Variants in TANC2 observed in about 807,000 individuals in gnomAD.
TANC2 encodes the protein protein TANC2.
A neutral mutation model predicts 210.5 loss-of-function variants in TANC2; 26 were observed. The observed-to-expected ratio is 0.12, with a 90% CI of 0.09 to 0.17. The LOEUF (loss-of-function observed/expected upper bound fraction) is 0.17, where lower values mean the gene tolerates loss of function less well. Among genes scored for constraint, TANC2 ranks in the 10% least tolerant of loss-of-function variants. The pLI, the probability that TANC2 is intolerant of heterozygous loss-of-function variation, is 1.00. For synonymous variants in TANC2, 931 were observed against 967.1 expected (o/e 0.96, Z 0.69); for missense variants, 2,129 against 2,608.9 (o/e 0.82, Z 4.01).
chr17:63,301,298 G>A (rs1417207542), intron 9 of TANC2, among the ~76,000 whole-genome samples: 1 of 152,178 alleles, frequency 6.6e-6, no homozygotes, highest in Non-Finnish European at 1.5e-5. Flanking sequence ...CTCATAAAAT[G>A]AGTAAAGGAG....
intron 7 of TANC2, among the ~76,000 whole-genome samples, chr17:63,237,309 A>G (rs1598671348): frequency 6.6e-6 from 1 of 151,798 alleles, no homozygotes; most frequent in East Asian, 1.9e-4. Context: ...TTACTTTTTA[A>G]TGGGATTATT....
At chr17:63,365,026 G>A (rs1313191850) in intron 14 of TANC2, among the ~76,000 whole-genome samples, 1 of 152,196 alleles carries the variant, frequency 6.6e-6, no homozygotes, top group Non-Finnish European at 1.5e-5. Context: ...AGGAATTAGA[G>A]GCTAATTATT....
chr17:63,121,997 G>A (rs540200172), intron 4 of TANC2, among the ~76,000 whole-genome samples: 7 of 144,620 alleles, frequency 4.8e-5, no homozygotes, highest in Non-Finnish European at 1.1e-4. Context: ...AGGGGGAGGG[G>A]AGGGTGCATA....
At chr17:63,394,991 T>C (rs1024221072) in intron 17 of TANC2, among the ~76,000 whole-genome samples, 10 of 152,234 alleles carry the variant, frequency 6.6e-5, no homozygotes, top group African/African-American at 2.4e-4. Flanking sequence ...ACAGAACTTA[T>C]ATTTTCAACT....
chr17:63,246,549 AC>A (rs768023294), intron 8 of TANC2, among the ~76,000 whole-genome samples: 1 of 152,160 alleles, frequency 6.6e-6, no homozygotes, highest in Non-Finnish European at 1.5e-5. Context: ...TGGAAATGTC[AC>A]ATAAATGGAG....
chr17:63,315,684 A>G (rs2429426), intron 10 of TANC2, among the ~76,000 whole-genome samples: 45,591 of 152,046 alleles, frequency 0.3, 7,005 homozygotes, highest in African/African-American at 0.36. Context: ...GTGTGAGATA[A>G]TAGTAGTTAC....
chr17:63,081,019 A>G (rs1455491814), intron 3 of TANC2, among the ~76,000 whole-genome samples: 1 of 152,162 alleles, frequency 6.6e-6, no homozygotes. Flanking sequence ...GGTAGCATGT[A>G]TTTAGAACCT....
chr17:63,170,969 C>T (rs1598519519), intron 5 of TANC2, among the ~76,000 whole-genome samples: 1 of 151,970 alleles, frequency 6.6e-6, no homozygotes, highest in South Asian at 2.1e-4. Flanking sequence ...TGCTTCTGAT[C>T]TCCATTTGGT....
chr17:62,997,907 T>A (rs901930664), intron 1 of TANC2, among the ~76,000 whole-genome samples: 2 of 152,154 alleles, frequency 1.3e-5, no homozygotes, highest in African/African-American at 4.8e-5. Context: ...TAGAAAAAGA[T>A]ATTTTTTAAA....
rs777943676 is a variant in TANC2 at position 63,421,464 on chromosome 17, C to T, written c.5734C>T (p.Pro1912Ser). The change falls in exon 28 of 28, where the codon CCA becomes TCA. Residue 1912 changes from proline (P) to serine (S), a missense_variant. This residue lies in a region of TANC2 where 584 missense variants were observed against 627.3 expected (regional missense o/e 0.93). Coordinates refer to ENST00000689528, the Ensembl canonical transcript of TANC2. The surrounding 1 kb of genome is among the most constrained non-coding windows in gnomAD (Gnocchi z 6.9). Reference sequence around the variant, plus strand: ...ATGTGACGAGCTGTCGCCAGTGTCTCCAACTCAAGGAGGTTACCCCAGTGA... The same window carrying T: ...ATGTGACGAGCTGTCGCCAGTGTCTTCAACTCAAGGAGGTTACCCCAGTGA... The T allele has an allele frequency of 1.2e-6, 2 of 1,613,900 alleles. No homozygotes were observed. The highest frequency in any genetic ancestry group is 1.7e-5 in the Admixed American group (1 of 60,008).
chr17:63,270,546 C>T (rs979352095), intron 9 of TANC2, among the ~76,000 whole-genome samples: 1 of 151,996 alleles, frequency 6.6e-6, no homozygotes, highest in South Asian at 2.1e-4. Flanking sequence ...AAACTACCCC[C>T]AAAAAAGTAA....
At chr17:63,027,302 C>T (rs2034591513) in intron 2 of TANC2, among the ~76,000 whole-genome samples, 1 of 151,628 alleles carries the variant, frequency 6.6e-6, no homozygotes, top group African/African-American at 2.4e-5. Context: ...TTTGAGAGTG[C>T]AACGAAGAAA....
rs559125133 is a variant in TANC2 at position 63,121,117 on chromosome 17, A to G, written c.322+21760A>G. ...CTACATTAAGACATGAAGGACTCCT[A>G]TTGGTGATAAATTATTTTAAAAGGG... On this transcript the variant is annotated intron_variant, in intron 4 of 27. Transcript: ENST00000689528. 1.1e-4 allele frequency among the ~76,000 whole-genome samples: 16 copies of G among 152,256 alleles called. No homozygotes were observed. In the East Asian group the frequency reaches 1.7e-3, roughly 17 times the overall value.
chr17:63,009,542 C>T (rs772765366), exon 2 of TANC2: 7 of 1,609,108 alleles, frequency 4.4e-6, no homozygotes, highest in Non-Finnish European at 5.9e-6. Context: ...TACAGTTTTG[C>T]AGTAGAAGAG....
Position 63,083,398 on chromosome 17 carries a change from A to G in TANC2, c.139+9384A>G, listed in dbSNP as rs536847104. Among the ~76,000 whole-genome samples, 26 of 152,230 alleles carry G rather than the reference A, an allele frequency of 1.7e-4. No individual in the cohort carries two copies. The South Asian group carries it at 5.2e-3, about 30-fold the overall frequency. On this transcript the variant is annotated intron_variant, in intron 3 of 27. Transcript: ENST00000689528. ...TTCAGGTGCTTGCCCAGTCACCACT[A>G]CCATATCCGCCTGGGAACTGGGATG...
chr17:63,420,641 C>A lies in TANC2; in HGVS notation c.4911C>A (p.Val1637=), dbSNP rs776877792. The stretch of plus-strand genomic sequence containing the variant: ...GCCCTCCAGCTGAAAGTATGAGTGT[C>A]TATAGATCCCAGTCTGGTTCACCCG... Residue 1637 remains valine, a synonymous_variant, in exon 28 of 28, where the codon GTC becomes GTA. Transcript: ENST00000689528. This position sits in a 1 kb window ranked among gnomAD's most constrained non-coding sequence, Gnocchi z 4.2. 1.9e-6 allele frequency: 3 copies of A among 1,613,832 alleles called. No homozygotes were observed. The highest frequency in any genetic ancestry group is 1.7e-5 in the Admixed American group (1 of 59,998).
intron 9 of TANC2, among the ~76,000 whole-genome samples, chr17:63,303,985 C>G (rs751885398): frequency 6.6e-6 from 1 of 151,948 alleles, no homozygotes; most frequent in Non-Finnish European, 1.5e-5. Context: ...TTAGCAGCTC[C>G]TATAACCTTT....
chr17:63,090,440 C>A, intron 3 of TANC2, among the ~76,000 whole-genome samples: 1 of 151,992 alleles, frequency 6.6e-6, no homozygotes, highest in South Asian at 2.1e-4. Context: ...TCAGTTCCCA[C>A]CTATGAGTGA....
intron 7 of TANC2, among the ~76,000 whole-genome samples, chr17:63,205,344 CAAAA>C (rs1158768609): frequency 0.044 from 358 of 8,060 alleles, 8 homozygotes; most frequent in African/African-American, 0.17. Context: ...ACCAAGGAGG[CAAAA>C]AAAAAAAAAA....
Sources: allele counts gnomAD v4.1 joint callset (sites outside exome capture counted in the v4.1 genomes callset), GRCh38; gene constraint gnomAD v4.1.1; regional missense constraint gnomAD v4.1.1; non-coding constraint Gnocchi (gnomAD v3.1); transcripts MANE v1.5; gene names NCBI Gene and HGNC (gene_info 2026-07-23, HGNC 2026-07-21).